Variants in CSMD3 observed in about 807,000 individuals in gnomAD.
CSMD3 encodes the protein CUB and sushi domain-containing protein 3.
CSMD3 carries 177 observed loss-of-function variants against 435.2 expected under a neutral mutation model. That is an observed-to-expected ratio of 0.41 (90% CI 0.36 to 0.46). CSMD3 has a LOEUF of 0.46. CSMD3 is among the 20% of genes least tolerant of loss of function. CSMD3 has a pLI of 0.34. For synonymous variants in CSMD3, 1,656 were observed against 1,520.5 expected, an observed-to-expected ratio of 1.09 and a Z score of -2.07; for missense variants, 4,265 against 4,504.6, an observed-to-expected ratio of 0.95 and a Z score of 1.52.
chr8:112,279,669 T>C (rs1478788574), intron 59 of CSMD3, among the ~76,000 whole-genome samples: 3 of 152,102 alleles, frequency 2.0e-5, no homozygotes, highest in African/African-American at 4.8e-5. Flanking sequence ...GTCCAATTTG[T>C]TCAGTGTTTA....
chr8:112,484,112 T>C (rs1819892002), intron 31 of CSMD3, among the ~76,000 whole-genome samples: 1 of 152,196 alleles, frequency 6.6e-6, no homozygotes, highest in Admixed American at 6.5e-5. Flanking sequence ...AAGAAGAGAA[T>C]GTGACTCATC....
At position 112,257,477 on chromosome 8, in the gene CSMD3, T is replaced by C. The variant is rs559488543; in HGVS notation, c.9863-2050A>G. The stretch of plus-strand genomic sequence containing the variant: ...TGTGTAAGAATCACAAGGATTCCTA[T>C]ACACCAATGATAGACAAACAGAGAG... On this transcript the variant is annotated intron_variant, in intron 61 of 70. Coordinates refer to ENST00000297405, the MANE Select transcript of CSMD3 (RefSeq NM_198123.2). Among the ~76,000 whole-genome samples, 10 of 152,282 alleles carry C rather than the reference T, an allele frequency of 6.6e-5. No individual in the cohort carries two copies. The South Asian group carries it at 1.2e-3, about 19-fold the overall frequency.
intron 32 of CSMD3, among the ~76,000 whole-genome samples, chr8:112,441,828 A>G (rs1815056172): frequency 6.6e-6 from 1 of 152,166 alleles, no homozygotes; most frequent in Admixed American, 6.5e-5. Flanking sequence ...CCATGATTCA[A>G]TTACTTCCCA....
At chr8:112,994,739 T>C (rs2085582608) in intron 6 of CSMD3, among the ~76,000 whole-genome samples, 1 of 151,586 alleles carries the variant, frequency 6.6e-6, no homozygotes, top group Admixed American at 6.6e-5. Flanking sequence ...TTTCACGTTA[T>C]AGTACAGACC....
intron 27 of CSMD3, among the ~76,000 whole-genome samples, chr8:112,522,991 G>C (rs983188736): frequency 6.6e-6 from 1 of 151,874 alleles, no homozygotes; most frequent in South Asian, 2.1e-4. Flanking sequence ...GTGGTGACAA[G>C]AGCAAAAGAA....
At chr8:112,643,221 T>C (rs903843730) in intron 20 of CSMD3, among the ~76,000 whole-genome samples, 1 of 152,082 alleles carries the variant, frequency 6.6e-6, no homozygotes, top group Admixed American at 6.6e-5. Flanking sequence ...TGCAGAATAA[T>C]TTTTAAACAA....
chr8:113,156,952 G>C (rs4629913), intron 4 of CSMD3, among the ~76,000 whole-genome samples: 95 of 151,516 alleles, frequency 6.3e-4, no homozygotes, highest in East Asian at 2.7e-3. Flanking sequence ...GAGAGAGAGA[G>C]AGAGACAGAG....
intron 24 of CSMD3, among the ~76,000 whole-genome samples, chr8:112,567,925 G>A (rs968949538): frequency 5.9e-5 from 9 of 152,214 alleles, no homozygotes; most frequent in African/African-American, 9.6e-5. Flanking sequence ...AACTTGTGTC[G>A]CGTAAAGTAC....
chr8:112,472,525 T>C, intron 32 of CSMD3, 66 bp downstream of exon 32: 1 of 862,436 alleles, frequency 1.2e-6, no homozygotes, highest in Non-Finnish European at 2.0e-6. Context: ...AATTTTTGAA[T>C]AGCATGTAGT....
At chr8:113,296,871 T>C (rs1036857419) in intron 2 of CSMD3, among the ~76,000 whole-genome samples, 1 of 152,148 alleles carries the variant, frequency 6.6e-6, no homozygotes, top group African/African-American at 2.4e-5. Context: ...CTATCAAATA[T>C]AAACTTCCAG....
At chr8:112,397,617 C>T (rs1453892128) in intron 35 of CSMD3, among the ~76,000 whole-genome samples, 3 of 152,190 alleles carry the variant, frequency 2.0e-5, no homozygotes, top group Non-Finnish European at 2.9e-5. Flanking sequence ...TATATACGAC[C>T]GTCTTCTGGC....
intron 32 of CSMD3, among the ~76,000 whole-genome samples, chr8:112,458,186 C>T (rs1413101462): frequency 6.6e-6 from 1 of 150,804 alleles, no homozygotes; most frequent in African/African-American, 2.4e-5. Flanking sequence ...CAGTCCCCTT[C>T]AAATACGTAC....
chr8:112,625,767 C>A (rs1834429693), intron 22 of CSMD3, among the ~76,000 whole-genome samples: 2 of 152,044 alleles, frequency 1.3e-5, no homozygotes, highest in South Asian at 4.1e-4. Context: ...GGTAAATAAT[C>A]CCCTAACTCC....
intron 24 of CSMD3, among the ~76,000 whole-genome samples, chr8:112,563,580 G>C (rs1484589960): frequency 6.6e-6 from 1 of 151,826 alleles, no homozygotes; most frequent in East Asian, 1.9e-4. Context: ...TTCTAGGTTG[G>C]TGATGTTCAT....
intron 24 of CSMD3, among the ~76,000 whole-genome samples, chr8:112,558,343 A>G (rs1460482784): frequency 1.3e-5 from 2 of 151,924 alleles, no homozygotes; most frequent in Non-Finnish European, 2.9e-5. Context: ...CTGGAAAGGA[A>G]AGCTCCATAA....
At chr8:112,521,578 T>A (rs1008541200) in intron 27 of CSMD3, among the ~76,000 whole-genome samples, 1 of 151,920 alleles carries the variant, frequency 6.6e-6, no homozygotes, top group Non-Finnish European at 1.5e-5. Context: ...TAGGAATTAG[T>A]CCTTAATGCT....
chr8:112,991,175 T>C (rs1295198753), intron 6 of CSMD3, among the ~76,000 whole-genome samples: 2 of 151,658 alleles, frequency 1.3e-5, no homozygotes, highest in Admixed American at 6.6e-5. Flanking sequence ...GTTTGCTGAA[T>C]TAAATATATA....
At chr8:112,913,075 CT>C (rs553604279) in intron 10 of CSMD3, among the ~76,000 whole-genome samples, 1 of 151,926 alleles carries the variant, frequency 6.6e-6, no homozygotes, top group Non-Finnish European at 1.5e-5. Flanking sequence ...CATCATTAGC[CT>C]TGTTTACTGC....
At chr8:112,445,406 G>C (rs910837264) in intron 32 of CSMD3, among the ~76,000 whole-genome samples, 4 of 152,094 alleles carry the variant, frequency 2.6e-5, no homozygotes, top group Non-Finnish European at 5.9e-5. Context: ...CATGGCGCTG[G>C]CATCTGCTTC....
Sources: gnomAD v4.1 joint callset for allele counts (sites outside exome capture counted in the v4.1 genomes callset) on GRCh38, gnomAD v4.1.1 for gene constraint, MANE v1.5 for transcripts, NCBI Gene and HGNC (gene_info 2026-07-23, HGNC 2026-07-21) for gene names.